The following ARSL variants were observed in gnomAD, a reference collection of about 807,000 sequenced individuals.
The protein encoded by ARSL is arylsulfatase L.
A neutral mutation model predicts 31.1 loss-of-function variants in ARSL; 4 were observed. The observed-to-expected ratio is 0.13, with a 90% confidence interval of 0.06 to 0.29. The LOEUF (loss-of-function observed/expected upper bound fraction) is 0.29. ARSL is among the 10% of genes least tolerant of loss of function. The pLI, the probability that ARSL is intolerant of heterozygous loss-of-function variation, is 1.00. For synonymous variants in ARSL, 198 were observed against 209.9 expected, an observed-to-expected ratio of 0.94 and a Z score of 0.49; for missense variants, 312 against 497.8, an observed-to-expected ratio of 0.63 and a Z score of 3.55.
At chrX:2,963,201 T>C (rs146494835) in intron 1 of ARSL, among the ~76,000 whole-genome samples, 2,894 of 111,913 alleles carry the variant, frequency 0.026, 92 homozygotes, top group African/African-American at 0.088. Context: ...ACAATTCTCA[T>C]ATTCTAAAAG....
intron 1 of ARSL, among the ~76,000 whole-genome samples, chrX:2,962,841 T>C (rs1200034722): frequency 3.6e-5 from 4 of 111,491 alleles, no homozygotes; most frequent in Non-Finnish European, 5.7e-5. Context: ...CTGAGATAGA[T>C]GCGTATCTGA....
upstream of ARSL, chrX:2,968,229 C>A (rs1312570557): frequency 9.0e-7 from 1 of 1,108,651 alleles, no homozygotes. Context: ...TTCTTCCTGC[C>A]AAAACAGACA....
intron 7 of ARSL, among the ~76,000 whole-genome samples, chrX:2,945,765 T>G (rs1187847432): frequency 1.8e-5 from 2 of 112,246 alleles, no homozygotes; most frequent in African/African-American, 6.5e-5. Context: ...CCACATGGGA[T>G]TAAGATGTGG....
chrX:2,966,632 A>C (rs1345125468), upstream of ARSL, among the ~76,000 whole-genome samples: 1 of 107,584 alleles, frequency 9.3e-6, no homozygotes, highest in African/African-American at 3.3e-5. Context: ...ACAAAACAAT[A>C]AAATATATAA....
chrX:2,953,938 C>G (rs1603462238), intron 4 of ARSL, among the ~76,000 whole-genome samples: 1 of 110,262 alleles, frequency 9.1e-6, no homozygotes, highest in East Asian at 2.9e-4. Flanking sequence ...CCAGGCTGGT[C>G]TTGAACTCCT....
chrX:2,956,789 G>A (rs866436839), intron 3 of ARSL, among the ~76,000 whole-genome samples: 4 of 109,764 alleles, frequency 3.6e-5, no homozygotes, highest in Admixed American at 9.8e-5. Flanking sequence ...GGTCTCTGTC[G>A]CCCAGAGTGC....
chrX:2,961,978 T>C (rs1277905404), intron 1 of ARSL, among the ~76,000 whole-genome samples: 3 of 109,290 alleles, frequency 2.7e-5, no homozygotes, highest in Non-Finnish European at 1.9e-5. Context: ...CCTCCCGGGT[T>C]CAAGTGATTC....
At chrX:2,939,147 G>A (rs781683577) in intron 8 of ARSL, among the ~76,000 whole-genome samples, 3 of 111,103 alleles carry the variant, frequency 2.7e-5, no homozygotes, top group Admixed American at 9.6e-5. Context: ...AGATCGTCGC[G>A]GAGAAGGATG....
Position 2,938,195 on chromosome X carries a change from C to T in ARSL, c.1189G>A (p.Gly397Arg), listed in dbSNP as rs201424543. The change falls in exon 9 of 11, where the codon GGG becomes AGG. Residue 397 changes from glycine (G) to arginine (R), a missense_variant. By Grantham distance (125) the Gly-to-Arg change is moderately radical. Coordinates refer to ENST00000381134, the MANE Select transcript of ARSL (RefSeq NM_000047.3). ...IRVPGIFRWP[G>R]VLPAGRVIGE... is the part of the protein sequence containing the mutation. ...ATCACTCGGCCGGCCGGGAGCACCC[C>T]GGGCCAGCGGAAGATCCCGGGCACG... The T allele has an allele frequency of 4.0e-4, 489 of 1,210,715 alleles. No homozygotes were observed. The highest frequency in any genetic ancestry group is 4.1e-4 in the Non-Finnish European group (363 of 895,412).
Position 2,935,072 on chromosome X carries a change from T to G in ARSL, c.1530A>C (p.Pro510=), listed in dbSNP as rs1457553969. The G allele has an allele frequency of 2.5e-6, 3 of 1,209,086 alleles. No individual in the cohort carries two copies. The African/African-American group carries it at 5.3e-5, about 21-fold the overall frequency. ...CTCTTGAGAGGTCAAAGAGCAAAGG[T>G]GGATCGTGGTGGACTACTTTTTCCC... The part of the protein sequence containing the change: ...CFGEKVVHHD[P]PLLFDLSRDP... Residue 510 remains proline, a synonymous_variant, in exon 11 of 11, where the codon CCA becomes CCC. Coordinates refer to ENST00000381134, the MANE Select transcript of ARSL (RefSeq NM_000047.3).
At chrX:2,950,273 G>C (rs2089444112) in intron 5 of ARSL, among the ~76,000 whole-genome samples, 1 of 111,939 alleles carries the variant, frequency 8.9e-6, no homozygotes, top group African/African-American at 3.2e-5. Context: ...ATCTTTACTT[G>C]ATTATATCTG....
chrX:2,960,585 C>G, intron 1 of ARSL, 165 bp from the exon 2 acceptor site: 3 of 488,605 alleles, frequency 6.1e-6, no homozygotes, highest in Non-Finnish European at 1.0e-5. Context: ...ATGCTCTTCC[C>G]GAGTGAAAAG....
chrX:2,939,864 C>CTTTTT (rs35373572), intron 8 of ARSL, among the ~76,000 whole-genome samples: 5 of 55,423 alleles, frequency 9.0e-5, no homozygotes, highest in Non-Finnish European at 1.3e-4. Flanking sequence ...ACCCTTCTAC[C>CTTTTT]TTTTTTTTTT....
At chrX:2,960,450 A>G in intron 1 of ARSL, 30 bp from the exon 2 acceptor site, 4 of 1,197,689 alleles carry the variant, frequency 3.3e-6, no homozygotes, top group Non-Finnish European at 4.5e-6. Flanking sequence ...CCACAATCAC[A>G]TTGACAGCAG....
At chrX:2,941,878 G>A (rs1213608793) in intron 8 of ARSL, among the ~76,000 whole-genome samples, 2 of 112,617 alleles carry the variant, frequency 1.8e-5, no homozygotes, top group East Asian at 2.8e-4. Flanking sequence ...GTTTTACAGA[G>A]TTTAGCTCTT....
chrX:2,948,996 C>A (rs1289474640), intron 6 of ARSL, among the ~76,000 whole-genome samples: 1 of 110,507 alleles, frequency 9.0e-6, no homozygotes, highest in Non-Finnish European at 1.9e-5. Flanking sequence ...GACCTCACCT[C>A]CCTGCAACCT....
In ARSL at chrX:2,960,422, T is replaced by C. The variant is rs748774608; in HGVS notation, c.-20-2A>G. ...ACATGTTGTCTCTCTCTCTACTTCC[T>C]GTAAGACATAAAGATGTCCACAATC... is the stretch of plus-strand genomic sequence containing the variant. On this transcript the variant is annotated splice_acceptor_variant, in intron 1 of 10. Transcript: ENST00000381134. LOFTEE classifies it low-confidence loss of function (5UTR_SPLICE). The C allele has an allele frequency of 2.5e-6, 3 of 1,204,187 alleles. No individual in the cohort carries two copies. Among genetic ancestry groups the C allele is most frequent in the Non-Finnish European group, 3.4e-6 (3 of 892,400 alleles).
At chrX:2,965,534 A>C (rs1178417424), upstream of ARSL, among the ~76,000 whole-genome samples, 1 of 96,360 alleles carries the variant, frequency 1.0e-5, no homozygotes, top group Non-Finnish European at 2.2e-5. Context: ...TAAACATAAG[A>C]TAAAAAGAAA....
intron 8 of ARSL, among the ~76,000 whole-genome samples, chrX:2,941,088 C>T (rs980686056): frequency 2.7e-5 from 3 of 110,854 alleles, no homozygotes; most frequent in Non-Finnish European, 3.8e-5. Context: ...TGTTTCAGGC[C>T]GTGACAGGAA....
Sources: gnomAD v4.1 joint callset for allele counts (sites outside exome capture counted in the v4.1 genomes callset) on GRCh38, gnomAD v4.1.1 for gene constraint, MANE v1.5 for transcripts, NCBI Gene and HGNC (gene_info 2026-07-23, HGNC 2026-07-21) for gene names.